The following BBX variants were observed in gnomAD, a reference collection of about 807,000 sequenced individuals.
The protein encoded by BBX is BBX high mobility group box domain containing, also known as HMG box transcription factor BBX.
In BBX, 30 loss-of-function variants were observed where a neutral mutation model predicts 100.2. The ratio of observed to expected loss-of-function variants is 0.30; its 90% confidence interval spans 0.22 to 0.41. The LOEUF is 0.41. Ranked by LOEUF, BBX falls within the 10% of genes least tolerant of loss-of-function variation. The pLI is 1.00. For missense variants in BBX, 1,023 were observed against 1,129.8 expected (o/e 0.91, Z 1.35); for synonymous variants, 376 against 388.1 (o/e 0.97, Z 0.37).
intron 2 of BBX, among the ~76,000 whole-genome samples, chr3:107,572,834 C>T (rs1318686352): frequency 1.3e-5 from 2 of 151,980 alleles, no homozygotes; most frequent in Non-Finnish European, 2.9e-5. Context: ...AGTGAGCCAC[C>T]CTCTTTGTTA....
At chr3:107,585,253 A>G (rs1271781478) in intron 2 of BBX, among the ~76,000 whole-genome samples, 2 of 152,212 alleles carry the variant, frequency 1.3e-5, no homozygotes, top group African/African-American at 2.4e-5. Flanking sequence ...GGTCAGAGCC[A>G]TCTAACAGTG....
intron 3 of BBX, among the ~76,000 whole-genome samples, chr3:107,691,995 A>T (rs1055527152): frequency 1.3e-5 from 2 of 152,084 alleles, no homozygotes; most frequent in African/African-American, 4.8e-5. Flanking sequence ...AGTCGATTTG[A>T]CTGTTACTTA....
chr3:107,639,873 C>A (rs753848440), intron 2 of BBX, among the ~76,000 whole-genome samples: 4 of 152,172 alleles, frequency 2.6e-5, no homozygotes, highest in Non-Finnish European at 4.4e-5. Context: ...AAAATAAAAT[C>A]TATGGTGAAA....
intron 2 of BBX, among the ~76,000 whole-genome samples, chr3:107,544,402 A>G (rs147100283): frequency 1.3e-5 from 2 of 152,288 alleles, no homozygotes; most frequent in African/African-American, 4.8e-5. Flanking sequence ...AGGGTTCTAG[A>G]ACATAGCATG....
In BBX at chr3:107,526,972, T is replaced by C. The variant is rs537038466; in HGVS notation, c.-84+574T>C. 2.0e-5 allele frequency among the ~76,000 whole-genome samples: 3 copies of C among 152,332 alleles called. No individual in the cohort carries two copies. In the South Asian group the frequency reaches 6.2e-4, roughly 32 times the overall value. ...ATCATAATTTCTTTTAAAACTTACA[T>C]GTTTGGAGAAATTAGGAACAATTCG... is the stretch of plus-strand genomic sequence containing the variant. On this transcript the variant is annotated intron_variant, in intron 2 of 17. Coordinates refer to ENST00000325805, the MANE Select transcript of BBX (RefSeq NM_001142568.3).
chr3:107,630,422 G>GAACTC (rs1451603448), intron 2 of BBX, among the ~76,000 whole-genome samples: 4 of 152,034 alleles, frequency 2.6e-5, no homozygotes, highest in African/African-American at 9.7e-5. Context: ...TGCGAGGGGG[G>GAACTC]AACTCTGGTA....
At chr3:107,545,642 A>G (rs1458809662) in intron 2 of BBX, among the ~76,000 whole-genome samples, 1 of 152,120 alleles carries the variant, frequency 6.6e-6, no homozygotes, top group African/African-American at 2.4e-5. Flanking sequence ...TGTGCTATCC[A>G]TGGAGTTATT....
chr3:107,526,786 G>C (rs933775897), intron 2 of BBX: 1 of 154,620 alleles, frequency 6.5e-6, no homozygotes, highest in Non-Finnish European at 1.4e-5. Flanking sequence ...GCATTGTGCA[G>C]AAGTCCTCTA....
intron 3 of BBX, among the ~76,000 whole-genome samples, chr3:107,706,023 T>A (rs906994421): frequency 2.3e-5 from 1 of 43,674 alleles, no homozygotes; most frequent in African/African-American, 1.1e-4. Context: ...AGCTTGCTAC[T>A]TTTTTTTTTT....
intron 3 of BBX, among the ~76,000 whole-genome samples, chr3:107,697,604 G>C (rs1301298799): frequency 6.6e-6 from 1 of 151,916 alleles, no homozygotes; most frequent in East Asian, 1.9e-4. Context: ...CTTCAAAGCT[G>C]TCAGACAGGG....
At chr3:107,673,451 A>G (rs2059125633) in intron 3 of BBX, among the ~76,000 whole-genome samples, 1 of 152,060 alleles carries the variant, frequency 6.6e-6, no homozygotes, top group African/African-American at 2.4e-5. Context: ...TTTTAAACCC[A>G]GCATTTTGGC....
At chr3:107,656,574 T>A (rs16853734) in intron 3 of BBX, among the ~76,000 whole-genome samples, 31,269 of 152,134 alleles carry the variant, frequency 0.21, 3,422 homozygotes, top group African/African-American at 0.27. Flanking sequence ...CTTTCCAGAC[T>A]GCTTGTGAGA....
intron 3 of BBX, among the ~76,000 whole-genome samples, chr3:107,670,518 A>T (rs2058965784): frequency 6.6e-6 from 1 of 152,152 alleles, no homozygotes; most frequent in Admixed American, 6.5e-5. Flanking sequence ...ATGTATTGAA[A>T]TATCAACACC....
intron 7 of BBX, among the ~76,000 whole-genome samples, chr3:107,736,141 A>G (rs1297212255): frequency 2.6e-5 from 4 of 152,002 alleles, no homozygotes; most frequent in Non-Finnish European, 5.9e-5. Flanking sequence ...TAAAGGAGTG[A>G]CTCCTGGCTC....
chr3:107,619,640 A>G (rs1050681923), intron 2 of BBX, among the ~76,000 whole-genome samples: 3 of 151,350 alleles, frequency 2.0e-5, no homozygotes, highest in Non-Finnish European at 2.9e-5. Context: ...TCTTTTGGGG[A>G]AAAATATCCA....
intron 2 of BBX, among the ~76,000 whole-genome samples, chr3:107,601,394 C>G (rs2054056855): frequency 6.6e-6 from 1 of 152,178 alleles, no homozygotes. Flanking sequence ...TGGTAGGCCT[C>G]TTACACTAGC....
intron 7 of BBX, among the ~76,000 whole-genome samples, chr3:107,740,500 A>G (rs568605879): frequency 6.6e-6 from 1 of 152,050 alleles, no homozygotes; most frequent in East Asian, 1.9e-4. Context: ...TCATCCCCAG[A>G]CAGCGTCACC....
intron 2 of BBX, among the ~76,000 whole-genome samples, chr3:107,566,970 A>G (rs867641247): frequency 6.6e-6 from 1 of 152,108 alleles, no homozygotes; most frequent in African/African-American, 2.4e-5. Flanking sequence ...TTTCTCAGGT[A>G]GTGTAGTGAT....
chr3:107,646,894 A>G (rs929052007), intron 3 of BBX, among the ~76,000 whole-genome samples: 1 of 152,094 alleles, frequency 6.6e-6, no homozygotes, highest in Non-Finnish European at 1.5e-5. Context: ...CTATGATGTC[A>G]GTATAAATAT....
Sources: allele counts gnomAD v4.1 joint callset (sites outside exome capture counted in the v4.1 genomes callset), GRCh38; gene constraint gnomAD v4.1.1; transcripts MANE v1.5; gene names NCBI Gene and HGNC (gene_info 2026-07-23, HGNC 2026-07-21).